Variants in SPSB4 observed in about 807,000 individuals in gnomAD.
SPSB4 encodes the protein SPRY domain-containing SOCS box protein 4.
SPSB4 carries 21 observed loss-of-function variants against 20.9 expected under a neutral mutation model. The observed-to-expected ratio is 1.01, with a 90% confidence interval of 0.71 to 1.45. SPSB4 has a LOEUF of 1.45. Among genes scored for constraint, SPSB4 ranks in the 40% most tolerant of loss-of-function variants. The probability of loss-of-function intolerance (pLI) is 0.00; values close to 1 mark genes in which losing one functional copy is unlikely to be tolerated. For missense variants in SPSB4, 399 were observed against 399.2 expected (o/e 1.00, Z 0.00); for synonymous variants, 207 against 183.8 (o/e 1.13, Z -1.02).
intron 2 of SPSB4, among the ~76,000 whole-genome samples, chr3:141,100,970 G>T (rs1367613538): frequency 2.6e-5 from 4 of 152,188 alleles, no homozygotes; most frequent in Non-Finnish European, 5.9e-5. Context: ...ACAGATAGCT[G>T]CCCCTCTGGT....
intron 1 of SPSB4, among the ~76,000 whole-genome samples, chr3:141,052,585 G>A (rs1936113622): frequency 6.6e-6 from 1 of 152,176 alleles, no homozygotes; most frequent in Non-Finnish European, 1.5e-5. Flanking sequence ...ATTCGGAGAG[G>A]TGGAAGTAAA....
At chr3:141,095,284 T>G (rs73871713) in intron 2 of SPSB4, among the ~76,000 whole-genome samples, 16,459 of 152,156 alleles carry the variant, frequency 0.11, 1,259 homozygotes, top group Admixed American at 0.24. Context: ...TCCGGGCTAC[T>G]GCGAGGCGGA....
At chr3:141,146,651 G>T (rs991931066) in intron 2 of SPSB4, among the ~76,000 whole-genome samples, 46 of 151,972 alleles carry the variant, frequency 3.0e-4, no homozygotes, top group Non-Finnish European at 1.2e-4. Context: ...GCGGGTGCCT[G>T]TAGTCCCAGC....
intron 2 of SPSB4, among the ~76,000 whole-genome samples, chr3:141,089,359 C>T (rs1013759115): frequency 6.6e-6 from 1 of 152,168 alleles, no homozygotes; most frequent in African/African-American, 2.4e-5. Context: ...GTAAGGACCC[C>T]AGGTGCCCAC....
intron 2 of SPSB4, among the ~76,000 whole-genome samples, chr3:141,098,185 G>A (rs1369664535): frequency 6.6e-6 from 1 of 152,174 alleles, no homozygotes; most frequent in Non-Finnish European, 1.5e-5. Flanking sequence ...CAATGCTATG[G>A]TTAAAAATCT....
chr3:141,089,672 TGCCA>T (rs1027110367), intron 2 of SPSB4, among the ~76,000 whole-genome samples: 6 of 152,308 alleles, frequency 3.9e-5, no homozygotes, highest in African/African-American at 1.4e-4. Context: ...GCCAGGCCTG[TGCCA>T]GCAGCCTCAG....
At chr3:141,096,718 T>A (rs146526552) in intron 2 of SPSB4, among the ~76,000 whole-genome samples, 1 of 152,252 alleles carries the variant, frequency 6.6e-6, no homozygotes, top group East Asian at 1.9e-4. Context: ...CATGTAACTG[T>A]GATCCAAGTT....
chr3:141,109,276 G>A (rs1035050590), intron 2 of SPSB4, among the ~76,000 whole-genome samples: 1 of 151,988 alleles, frequency 6.6e-6, no homozygotes, highest in African/African-American at 2.4e-5. Flanking sequence ...ATATATCTTG[G>A]AGGTGATTCA....
At chr3:141,108,079 C>G (rs1938727722) in intron 2 of SPSB4, among the ~76,000 whole-genome samples, 1 of 152,102 alleles carries the variant, frequency 6.6e-6, no homozygotes, top group African/African-American at 2.4e-5. Flanking sequence ...CTTAGGGACT[C>G]TGGTGCAAGC....
At position 141,066,282 on chromosome 3, in the gene SPSB4, G is replaced by T; in HGVS notation, c.178G>T (p.Asp60Tyr). The T allele has an allele frequency of 6.4e-7, 1 of 1,565,094 alleles. No homozygotes were observed. Residue 60 changes from aspartate (D) to tyrosine (Y), a missense_variant, in exon 2 of 3, where the codon GAC becomes TAC. Asp to Tyr is a radical substitution (Grantham distance 160, BLOSUM62 -3). Coordinates refer to ENST00000310546, the MANE Select transcript of SPSB4 (RefSeq NM_080862.3). ...VQLRHAWNPE[D>Y]RSLNVFVKDD... The stretch of plus-strand genomic sequence containing the variant: ...GCTGCGGCACGCGTGGAACCCCGAG[G>T]ACCGCTCGCTCAACGTCTTCGTCAA...
chr3:141,054,335 C>T (rs536209811), intron 1 of SPSB4, among the ~76,000 whole-genome samples: 2 of 152,248 alleles, frequency 1.3e-5, no homozygotes, highest in African/African-American at 4.8e-5. Flanking sequence ...TATATATGTA[C>T]TATATAAGTA....
chr3:141,079,238 G>A (rs1042056822), intron 2 of SPSB4, among the ~76,000 whole-genome samples: 1 of 149,528 alleles, frequency 6.7e-6, no homozygotes, highest in African/African-American at 2.5e-5. Context: ...TCCAGCCTGA[G>A]CTCCAGACAG....
At chr3:141,135,338 T>TTTATTATTATTATTATTATTATTA (rs56836958) in intron 2 of SPSB4, among the ~76,000 whole-genome samples, 3 of 148,818 alleles carry the variant, frequency 2.0e-5, no homozygotes, top group Non-Finnish European at 3.0e-5. Flanking sequence ...CAGTTTTTCT[T>TTTATTATTATTATTATTATTATTA]TTATTATTAT....
At chr3:141,089,817 A>G (rs1938416199) in intron 2 of SPSB4, among the ~76,000 whole-genome samples, 1 of 152,160 alleles carries the variant, frequency 6.6e-6, no homozygotes, top group Non-Finnish European at 1.5e-5. Context: ...TCATTTCACA[A>G]TTTTTGGGTG....
At chr3:141,124,945 G>A (rs539044063) in intron 2 of SPSB4, among the ~76,000 whole-genome samples, 61 of 152,196 alleles carry the variant, frequency 4.0e-4, no homozygotes, top group Non-Finnish European at 7.8e-4. Context: ...CACTGGTGCT[G>A]CCAGTCCACA....
Position 141,143,452 on chromosome 3 carries a change from G to C in SPSB4, c.695-3690G>C, listed in dbSNP as rs567700876. ...GCTGGTGCTGGGAGATGTTTGCAAA[G>C]AGTCCTATGATGGGATCTGTCTTCA... On this transcript the variant is annotated intron_variant, in intron 2 of 2. Coordinates refer to ENST00000310546, the MANE Select transcript of SPSB4 (RefSeq NM_080862.3). 3.0e-4 allele frequency among the ~76,000 whole-genome samples: 45 copies of C among 152,336 alleles called. 1 individual carries two copies. Among genetic ancestry groups the C allele is most frequent in the Admixed American group, 2.0e-3 (31 of 15,314 alleles).
intron 2 of SPSB4, among the ~76,000 whole-genome samples, chr3:141,070,112 A>G (rs1012761503): frequency 6.6e-6 from 1 of 152,140 alleles, no homozygotes; most frequent in Admixed American, 6.5e-5. Flanking sequence ...GAGCTGCAGG[A>G]CGCACAGGGG....
chr3:141,115,325 A>G (rs1174943433), intron 2 of SPSB4: 2 of 152,162 alleles, frequency 1.3e-5, no homozygotes, highest in Non-Finnish European at 2.9e-5. Context: ...ACGGTGGTGG[A>G]TGAGCTTTAT....
At chr3:141,113,372 G>T (rs1938833860) in intron 2 of SPSB4, among the ~76,000 whole-genome samples, 1 of 152,236 alleles carries the variant, frequency 6.6e-6, no homozygotes, top group East Asian at 1.9e-4. Flanking sequence ...ACAGCCAAAA[G>T]GTGCAAACAG....
Sources: allele counts gnomAD v4.1 joint callset (sites outside exome capture counted in the v4.1 genomes callset), GRCh38; gene constraint gnomAD v4.1.1; transcripts MANE v1.5; gene names NCBI Gene and HGNC (gene_info 2026-07-23, HGNC 2026-07-21).